GSDMC: variants seen among roughly 807,000 people sequenced by gnomAD.
GSDMC encodes gasdermin C.
Under a neutral mutation model 58.0 loss-of-function variants are expected in GSDMC, and 59 were observed. The observed-to-expected ratio is 1.02, with a 90% CI of 0.82 to 1.26. The LOEUF is 1.26. Ranked by LOEUF, GSDMC falls within the 50% of genes most tolerant of loss-of-function variation. The pLI, the probability that GSDMC is intolerant of heterozygous loss-of-function variation, is 0.00. For synonymous variants in GSDMC, 241 were observed against 220.2 expected (o/e 1.09, Z -0.83); for missense variants, 659 against 598.5 (o/e 1.10, Z -1.06).
the GSDMC span, among the ~76,000 whole-genome samples, chr8:129,716,982 G>A: frequency 1.3e-5 from 2 of 152,126 alleles, no homozygotes; most frequent in Non-Finnish European, 2.9e-5. Context: ...TGATCATGGT[G>A]GATAAGCTTT....
the GSDMC span, among the ~76,000 whole-genome samples, chr8:129,713,309 T>C: frequency 6.6e-6 from 1 of 152,208 alleles, no homozygotes; most frequent in African/African-American, 2.4e-5. Context: ...GTGATGTGAC[T>C]GGCCGTGGGG....
chr8:129,744,388 G>A (rs76634218), downstream of GSDMC, among the ~76,000 whole-genome samples: 9,532 of 152,278 alleles, frequency 0.063, 524 homozygotes, highest in East Asian at 0.25. Flanking sequence ...TCTGAAGGTT[G>A]ATGTCTGCTC....
At chr8:129,744,174 T>G (rs1421401614), downstream of GSDMC, among the ~76,000 whole-genome samples, 1 of 152,206 alleles carries the variant, frequency 6.6e-6, no homozygotes, top group Non-Finnish European at 1.5e-5. Flanking sequence ...TGAACTGTGG[T>G]TCAGAATGTG....
intron 4 of GSDMC, among the ~76,000 whole-genome samples, chr8:129,763,508 A>G (rs1321072314): frequency 6.6e-6 from 1 of 152,096 alleles, no homozygotes; most frequent in Non-Finnish European, 1.5e-5. Context: ...ACATTGCATT[A>G]TGTCTTTGTT....
chr8:129,734,022 G>A, the GSDMC span, among the ~76,000 whole-genome samples: 3 of 152,156 alleles, frequency 2.0e-5, no homozygotes, highest in African/African-American at 7.2e-5. Flanking sequence ...AGAACTACGT[G>A]ATGCATGCAC....
chr8:129,714,845 G>A, the GSDMC span, among the ~76,000 whole-genome samples: 1 of 151,920 alleles, frequency 6.6e-6, no homozygotes, highest in Non-Finnish European at 1.5e-5. Flanking sequence ...TGGCATAAAT[G>A]TAAATAACTT....
chr8:129,779,100 C>T lies in GSDMC; in HGVS notation c.-4-1509G>A, dbSNP rs146750841. On this transcript the variant is annotated intron_variant, in intron 1 of 13. Transcript: ENST00000276708. ...GAAATACCATCTGACCCAGCAAGCT[C>T]ATTACTGGGTATATACCCAAAGGAA... Among the ~76,000 whole-genome samples, 237 of 152,272 alleles carry T rather than the reference C, an allele frequency of 1.6e-3. 1 individual carries two copies. The highest frequency in any genetic ancestry group is 3.3e-3 in the South Asian group (16 of 4,820).
rs1252454043 is a variant in GSDMC, at chr8:129,748,666, G to A, written c.1362C>T (p.Ala454=). 3.7e-6 allele frequency: 6 copies of A among 1,608,914 alleles called. No individual in the cohort carries two copies. The highest frequency in any genetic ancestry group is 5.1e-6 in the Non-Finnish European group (6 of 1,177,814). ...TGGCCAAACCCTCACTCTGGAGTGG[G>A]GCGAGGAGCTCAGGTTTGAGGGTGA... ...IPFTLKPELL[A]PLQSEGLAIT... is the part of the protein sequence containing the mutation. The change falls in exon 14 of 14, where the codon GCC becomes GCT. Residue 454 remains alanine, a synonymous_variant. Transcript: ENST00000276708.
At chr8:129,739,629 TG>T in the GSDMC span, among the ~76,000 whole-genome samples, 2 of 152,174 alleles carry the variant, frequency 1.3e-5, no homozygotes, top group African/African-American at 4.8e-5. Flanking sequence ...CCTAATATCC[TG>T]GCAGAACTCA....
intron 13 of GSDMC, 84 bp downstream of exon 13, chr8:129,749,368 A>G: frequency 9.9e-7 from 1 of 1,009,890 alleles, no homozygotes; most frequent in Middle Eastern, 2.1e-4. Context: ...AACCTGTATC[A>G]TCTCTCTTTC....
chr8:129,748,291 A>G lies in GSDMC; in HGVS notation c.*210T>C. On this transcript the variant is annotated 3_prime_UTR_variant, in exon 14 of 14. Transcript: ENST00000276708. ...TACTATTTGAGGAGTTTTGACAAATATATAAACTCTTGTCAATATATAAAC... is the reference window on the plus strand; with the variant it reads ...TACTATTTGAGGAGTTTTGACAAATGTATAAACTCTTGTCAATATATAAAC... The G allele has an allele frequency of 4.6e-6, 2 of 438,638 alleles. No homozygotes were observed. Among genetic ancestry groups the G allele is most frequent in the Non-Finnish European group, 8.0e-6 (2 of 250,112 alleles). The allele number at this position is 438,638 out of a possible 1,614,324, so 27.2% of individuals were successfully genotyped here.
At chr8:129,750,706 G>T in intron 10 of GSDMC, 136 bp from the exon 11 acceptor site, 1 of 782,294 alleles carries the variant, frequency 1.3e-6, no homozygotes, top group Admixed American at 2.4e-5. Flanking sequence ...AATTGTCTCT[G>T]CTAATGGCAT....
At chr8:129,721,629 A>G in the GSDMC span, among the ~76,000 whole-genome samples, 1 of 152,208 alleles carries the variant, frequency 6.6e-6, no homozygotes, top group Non-Finnish European at 1.5e-5. Context: ...AATGTAACTG[A>G]AAATTAGACT....
chr8:129,760,575 C>T lies in GSDMC; in HGVS notation c.691G>A (p.Asp231Asn), dbSNP rs775614968. ...TGAAAGGTTCTCTGTTCATCATCATCTGAGATGAGAATGGCTGAATGGAAA... is the reference window on the plus strand; with the variant it reads ...TGAAAGGTTCTCTGTTCATCATCATTTGAGATGAGAATGGCTGAATGGAAA... ...VIKEKAILISDDDEQRTFQDE... is the reference protein window; with the variant it reads ...VIKEKAILISNDDEQRTFQDE... The change falls in exon 6 of 14, where the codon GAT becomes AAT. Residue 231 changes from aspartate to asparagine, a missense_variant. Transcript: ENST00000276708. 18 of 1,596,790 alleles carry T rather than the reference C, an allele frequency of 1.1e-5. No homozygotes were observed. In the Admixed American group the frequency reaches 3.0e-4, roughly 27 times the overall value.
intron 6 of GSDMC, among the ~76,000 whole-genome samples, chr8:129,758,723 A>C (rs2033538663): frequency 6.6e-6 from 1 of 152,190 alleles, no homozygotes; most frequent in African/African-American, 2.4e-5. Flanking sequence ...GAAGACACCA[A>C]AAAAGTGAAA....
intron 6 of GSDMC, among the ~76,000 whole-genome samples, chr8:129,757,549 A>G (rs1465093362): frequency 6.6e-6 from 1 of 152,130 alleles, no homozygotes; most frequent in African/African-American, 2.4e-5. Flanking sequence ...AACTCATTCT[A>G]TGAGGCCAGT....
intron 3 of GSDMC, among the ~76,000 whole-genome samples, chr8:129,772,260 C>CAAAAAAAAA (rs1161238758): frequency 1.1e-5 from 1 of 94,312 alleles, no homozygotes; most frequent in Non-Finnish European, 2.1e-5. Context: ...GACTCCGTCT[C>CAAAAAAAAA]AAAAAAAAAA....
intron 1 of GSDMC, among the ~76,000 whole-genome samples, chr8:129,779,662 G>A (rs1184459614): frequency 2.0e-5 from 3 of 151,422 alleles, no homozygotes; most frequent in Non-Finnish European, 4.4e-5. Flanking sequence ...GAAAGAAAAT[G>A]TAAGTCACCA....
At chr8:129,767,102 T>C (rs1286911151) in intron 3 of GSDMC, among the ~76,000 whole-genome samples, 1 of 152,096 alleles carries the variant, frequency 6.6e-6, no homozygotes, top group African/African-American at 2.4e-5. Flanking sequence ...CTGTCTGGCT[T>C]GCATCCTTAA....
Sources: gnomAD v4.1 joint callset for allele counts (sites outside exome capture counted in the v4.1 genomes callset) on GRCh38, gnomAD v4.1.1 for gene constraint, MANE v1.5 for transcripts, NCBI Gene and HGNC (gene_info 2026-07-23, HGNC 2026-07-21) for gene names.